Variants in ETV6 observed in about 807,000 individuals in gnomAD.
ETV6 encodes the protein transcription factor ETV6.
Under a neutral mutation model 51.1 loss-of-function variants are expected in ETV6, and 16 were observed. That is an observed-to-expected ratio of 0.31 (90% CI 0.21 to 0.48). The LOEUF is 0.48. ETV6 is among the 20% of genes least tolerant of loss of function. The probability of loss-of-function intolerance (pLI) is 0.99; values close to 1 mark genes in which losing one functional copy is unlikely to be tolerated. For missense variants in ETV6, 458 were observed against 594.8 expected (o/e 0.77, Z 2.39); for synonymous variants, 240 against 224.1 (o/e 1.07, Z -0.64).
intron 2 of ETV6, among the ~76,000 whole-genome samples, chr12:11,789,468 G>C (rs1945548067): frequency 6.6e-6 from 1 of 152,062 alleles, no homozygotes; most frequent in African/African-American, 2.4e-5. Flanking sequence ...CTTCGGTCTG[G>C]GCTTCAGCTT....
chr12:11,771,933 C>T (rs1259235500), intron 2 of ETV6, among the ~76,000 whole-genome samples: 1 of 152,176 alleles, frequency 6.6e-6, no homozygotes, highest in Non-Finnish European at 1.5e-5. Context: ...GAAATCACCT[C>T]GCAGGTTCTT....
intron 1 of ETV6, among the ~76,000 whole-genome samples, chr12:11,672,331 A>T (rs1864333816): frequency 6.6e-6 from 1 of 152,204 alleles, no homozygotes; most frequent in Non-Finnish European, 1.5e-5. Flanking sequence ...AAAGCATTTC[A>T]TCCTCCAAAT....
chr12:11,698,994 G>A (rs1591616856), intron 1 of ETV6, among the ~76,000 whole-genome samples: 2 of 152,316 alleles, frequency 1.3e-5, no homozygotes, highest in East Asian at 3.9e-4. Flanking sequence ...GCAGATTCCA[G>A]AACCCACTAT....
chr12:11,720,289 G>A (rs1865358404), intron 1 of ETV6, among the ~76,000 whole-genome samples: 1 of 152,204 alleles, frequency 6.6e-6, no homozygotes, highest in African/African-American at 2.4e-5. Context: ...ATATAAGTAA[G>A]AAACCATTGA....
chr12:11,777,275 A>T (rs2136361778), intron 2 of ETV6, among the ~76,000 whole-genome samples: 1 of 150,790 alleles, frequency 6.6e-6, no homozygotes, highest in South Asian at 2.1e-4. Context: ...ACGTTTTTTA[A>T]ATGCTCATAT....
intron 5 of ETV6, 69 bp from the exon 6 acceptor site, chr12:11,884,376 T>C: frequency 6.4e-7 from 1 of 1,557,194 alleles, no homozygotes; most frequent in Non-Finnish European, 8.8e-7. Context: ...GATTCTTTTT[T>C]GATTCTTCTG....
At chr12:11,860,546 C>T (rs1463114583) in intron 4 of ETV6, among the ~76,000 whole-genome samples, 1 of 147,556 alleles carries the variant, frequency 6.8e-6, no homozygotes, top group East Asian at 2.0e-4. Context: ...GCCTGGGCGA[C>T]AGAGTGAGAC....
chr12:11,657,255 A>T (rs551266730), intron 1 of ETV6, among the ~76,000 whole-genome samples: 1 of 152,358 alleles, frequency 6.6e-6, no homozygotes, highest in East Asian at 1.9e-4. Context: ...GCCTGAGATC[A>T]CATTCCTAAC....
chr12:11,755,746 G>A (rs761017896), intron 2 of ETV6, among the ~76,000 whole-genome samples: 9 of 152,166 alleles, frequency 5.9e-5, no homozygotes, highest in South Asian at 4.1e-4. Context: ...TGGAAAGTAC[G>A]GGGAAGAATC....
intron 3 of ETV6, among the ~76,000 whole-genome samples, chr12:11,839,951 T>C (rs1358632108): frequency 6.6e-6 from 1 of 152,158 alleles, no homozygotes; most frequent in African/African-American, 2.4e-5. Context: ...ATGCAGGCTG[T>C]GAACTGCTCA....
chr12:11,853,319 T>C, intron 3 of ETV6, 108 bp from the exon 4 acceptor site: 13 of 1,344,816 alleles, frequency 9.7e-6, no homozygotes, highest in Admixed American at 1.8e-5. Context: ...GCAGGTGCGC[T>C]CCAATTGTAT....
chr12:11,823,388 T>A lies in ETV6; in HGVS notation c.164-15752T>A, dbSNP rs1189213452. On this transcript the variant is annotated intron_variant, in intron 2 of 7. Coordinates refer to ENST00000396373, the MANE Select transcript of ETV6 (RefSeq NM_001987.5). ...TTCTGACATCTGGACATCTTGACTT[T>A]CGGTGATAGGAGATATGGAAAGACA... Among the ~76,000 whole-genome samples the A allele has an allele frequency of 2.0e-5, 3 of 152,156 alleles. No homozygotes were observed. The South Asian group carries it at 6.2e-4, about 32-fold the overall frequency.
intron 7 of ETV6, among the ~76,000 whole-genome samples, chr12:11,887,417 C>A (rs905174161): frequency 6.6e-6 from 1 of 152,138 alleles, no homozygotes; most frequent in African/African-American, 2.4e-5. Flanking sequence ...GTATTTCAGA[C>A]ATGACATCTT....
At chr12:11,858,407 T>A (rs1054751779) in intron 4 of ETV6, among the ~76,000 whole-genome samples, 125 of 151,550 alleles carry the variant, frequency 8.2e-4, no homozygotes, top group African/African-American at 2.9e-3. Flanking sequence ...TATATATATT[T>A]TTTTTTAATT....
At chr12:11,768,648 C>T (rs887104523) in intron 2 of ETV6, among the ~76,000 whole-genome samples, 3 of 152,266 alleles carry the variant, frequency 2.0e-5, no homozygotes, top group Non-Finnish European at 2.9e-5. Context: ...TGCATACTCT[C>T]GAAATGGCAA....
At chr12:11,751,518 G>T in intron 1 of ETV6, 1 of 506,844 alleles carries the variant, frequency 2.0e-6, no homozygotes, top group Non-Finnish European at 4.0e-6. Context: ...TTGCACTGCT[G>T]TTTTGCCGAA....
intron 1 of ETV6, among the ~76,000 whole-genome samples, chr12:11,673,202 C>T (rs1864353115): frequency 6.6e-6 from 1 of 152,064 alleles, no homozygotes; most frequent in African/African-American, 2.4e-5. Flanking sequence ...TTGATCCTGG[C>T]TGCAGAAGGG....
chr12:11,841,198 G>A (rs916683790), intron 3 of ETV6, among the ~76,000 whole-genome samples: 1 of 152,184 alleles, frequency 6.6e-6, no homozygotes, highest in African/African-American at 2.4e-5. Context: ...TCTGCTCAGA[G>A]CTATGAACAA....
chr12:11,752,747 A>G, intron 2 of ETV6, 168 bp downstream of exon 2: 1 of 697,958 alleles, frequency 1.4e-6, no homozygotes, highest in Non-Finnish European at 2.2e-6. Context: ...ACCTTTGAAA[A>G]ATTTGAGGTT....
Sources: allele counts gnomAD v4.1 joint callset (sites outside exome capture counted in the v4.1 genomes callset), GRCh38; gene constraint gnomAD v4.1.1; transcripts MANE v1.5; gene names NCBI Gene and HGNC (gene_info 2026-07-23, HGNC 2026-07-21).